Variants in CYYR1 observed in about 807,000 individuals in gnomAD.
The protein encoded by CYYR1 is cysteine and tyrosine-rich protein 1.
Under a neutral mutation model 15.2 loss-of-function variants are expected in CYYR1, and 14 were observed. That is an observed-to-expected ratio of 0.92 (90% CI 0.61 to 1.44). The LOEUF (loss-of-function observed/expected upper bound fraction) is 1.44, where lower values mean the gene tolerates loss of function less well. Ranked by LOEUF, CYYR1 falls within the 40% of genes most tolerant of loss-of-function variation. The pLI, the probability that CYYR1 is intolerant of heterozygous loss-of-function variation, is 0.00. For synonymous variants in CYYR1, 80 were observed against 77.4 expected, an observed-to-expected ratio of 1.03 and a Z score of -0.18; for missense variants, 228 against 209.5, an observed-to-expected ratio of 1.09 and a Z score of -0.54.
chr21:26,522,265 G>A (rs2065812424), intron 2 of CYYR1, among the ~76,000 whole-genome samples: 1 of 152,072 alleles, frequency 6.6e-6, no homozygotes, highest in Non-Finnish European at 1.5e-5. Flanking sequence ...CTCCATAAAT[G>A]GGTTTAAGTG....
chr21:26,526,123 C>T (rs894963018), intron 2 of CYYR1, among the ~76,000 whole-genome samples: 30 of 152,084 alleles, frequency 2.0e-4, no homozygotes, highest in African/African-American at 7.0e-4. Context: ...CACAAGTTTA[C>T]TTATGTAACA....
chr21:26,523,169 C>G (rs1601789289), intron 2 of CYYR1, among the ~76,000 whole-genome samples: 1 of 152,252 alleles, frequency 6.6e-6, no homozygotes, highest in South Asian at 2.1e-4. Context: ...TAGTTCTGGC[C>G]TCTTTTCTAG....
intron 2 of CYYR1, among the ~76,000 whole-genome samples, chr21:26,539,501 T>C (rs1488812396): frequency 6.6e-6 from 1 of 152,200 alleles, no homozygotes; most frequent in Non-Finnish European, 1.5e-5. Context: ...GGAGAAAGAA[T>C]ATGAGAAGTC....
At chr21:26,521,658 A>G (rs2065805226) in intron 2 of CYYR1, among the ~76,000 whole-genome samples, 2 of 152,176 alleles carry the variant, frequency 1.3e-5, no homozygotes, top group Admixed American at 1.3e-4. Context: ...ATCTCATTCC[A>G]AAGAGAATGG....
intron 2 of CYYR1, among the ~76,000 whole-genome samples, chr21:26,561,313 G>T (rs953418380): frequency 4.2e-5 from 6 of 143,190 alleles, no homozygotes; most frequent in African/African-American, 7.6e-5. Flanking sequence ...AATTTAAATG[G>T]TTTTTTTTTT....
chr21:26,522,580 A>G (rs1025136354), intron 2 of CYYR1, among the ~76,000 whole-genome samples: 5 of 152,204 alleles, frequency 3.3e-5, no homozygotes, highest in African/African-American at 1.2e-4. Context: ...TTTACCAATT[A>G]TAATGTTCCA....
At chr21:26,499,363 G>T (rs2065449611) in intron 2 of CYYR1, among the ~76,000 whole-genome samples, 1 of 152,222 alleles carries the variant, frequency 6.6e-6, no homozygotes, top group Admixed American at 6.5e-5. Flanking sequence ...AATGTTGACA[G>T]CACCAGAAAC....
At chr21:26,557,783 A>C (rs1979901624) in intron 2 of CYYR1, among the ~76,000 whole-genome samples, 1 of 152,008 alleles carries the variant, frequency 6.6e-6, no homozygotes. Context: ...AGAATGGAAC[A>C]TTCCACCATC....
At chr21:26,469,586 C>A (rs1448025059) in intron 3 of CYYR1, among the ~76,000 whole-genome samples, 1 of 152,056 alleles carries the variant, frequency 6.6e-6, no homozygotes, top group Non-Finnish European at 1.5e-5. Context: ...ATCAGGGCAA[C>A]TGGCATACCC....
chr21:26,567,968 T>G (rs1215318704), intron 1 of CYYR1: 1 of 152,226 alleles, frequency 6.6e-6, no homozygotes, highest in East Asian at 1.9e-4. Context: ...TTGTCAAACA[T>G]GACCCTTGAG....
At chr21:26,549,836 A>C (rs1349298383) in intron 2 of CYYR1, among the ~76,000 whole-genome samples, 1 of 152,256 alleles carries the variant, frequency 6.6e-6, no homozygotes, top group Admixed American at 6.5e-5. Flanking sequence ...AAAAAGAATA[A>C]GAAAAAATGC....
chr21:26,491,769 C>T (rs567924650), intron 2 of CYYR1, among the ~76,000 whole-genome samples: 1 of 152,228 alleles, frequency 6.6e-6, no homozygotes, highest in Non-Finnish European at 1.5e-5. Flanking sequence ...TCCTGTGGCT[C>T]TACTGATTGC....
At chr21:26,490,063 G>T (rs1240958384) in intron 2 of CYYR1, among the ~76,000 whole-genome samples, 1 of 152,070 alleles carries the variant, frequency 6.6e-6, no homozygotes. Context: ...CAGCACTTTA[G>T]GAGGCTGAGG....
At chr21:26,523,681 TCTC>T (rs2065829449) in intron 2 of CYYR1, among the ~76,000 whole-genome samples, 1 of 152,134 alleles carries the variant, frequency 6.6e-6, no homozygotes, top group Non-Finnish European at 1.5e-5. Flanking sequence ...GAAATACTCT[TCTC>T]CTTCATTTCT....
intron 2 of CYYR1, among the ~76,000 whole-genome samples, chr21:26,538,074 T>A (rs1978323658): frequency 6.6e-6 from 1 of 152,182 alleles, no homozygotes; most frequent in African/African-American, 2.4e-5. Context: ...ACCACGGAGA[T>A]GAGCCTTCAT....
chr21:26,510,079 G>C (rs1260625138), intron 2 of CYYR1, among the ~76,000 whole-genome samples: 1 of 152,130 alleles, frequency 6.6e-6, no homozygotes, highest in Non-Finnish European at 1.5e-5. Context: ...TATCCGCTCT[G>C]GAACTCTATT....
chr21:26,497,197 C>T (rs952009105), intron 2 of CYYR1, among the ~76,000 whole-genome samples: 4 of 152,054 alleles, frequency 2.6e-5, no homozygotes, highest in Non-Finnish European at 5.9e-5. Context: ...CGATAAGGGG[C>T]CCTTTCCTAC....
intron 2 of CYYR1, among the ~76,000 whole-genome samples, chr21:26,507,188 A>G (rs2065579228): frequency 6.6e-6 from 1 of 152,224 alleles, no homozygotes; most frequent in South Asian, 2.1e-4. Flanking sequence ...CTGTAAAAAC[A>G]GATGACTCAG....
intron 2 of CYYR1, among the ~76,000 whole-genome samples, chr21:26,562,773 AAC>A (rs1376246094): frequency 1.7e-4 from 18 of 106,996 alleles, no homozygotes; most frequent in South Asian, 3.0e-4. Context: ...GACATACACA[AAC>A]ACACACACAC....
Sources: allele counts gnomAD v4.1 joint callset (sites outside exome capture counted in the v4.1 genomes callset), GRCh38; gene constraint gnomAD v4.1.1; transcripts MANE v1.5; gene names NCBI Gene and HGNC (gene_info 2026-07-23, HGNC 2026-07-21).